Variants in RBPJ observed in about 807,000 individuals in gnomAD.
RBPJ encodes recombination signal binding protein for immunoglobulin kappa J region, also known as recombining binding protein suppressor of hairless.
RBPJ carries 9 observed loss-of-function variants against 67.8 expected under a neutral mutation model. The ratio of observed to expected loss-of-function variants is 0.13; its 90% CI spans 0.08 to 0.23. The LOEUF is 0.23. Among genes scored for constraint, RBPJ ranks in the 10% least tolerant of loss-of-function variants. The pLI is 1.00. For synonymous variants in RBPJ, 198 were observed against 203.3 expected (o/e 0.97, Z 0.22); for missense variants, 305 against 595.6 (o/e 0.51, Z 5.08).
At chr4:26,120,984 G>C in the RBPJ span, among the ~76,000 whole-genome samples, 1 of 151,578 alleles carries the variant, frequency 6.6e-6, no homozygotes, top group African/African-American at 2.4e-5. Flanking sequence ...AGAGGCAGAG[G>C]GAGAGGAAGA....
At chr4:26,126,921 A>C in the RBPJ span, among the ~76,000 whole-genome samples, 1 of 152,238 alleles carries the variant, frequency 6.6e-6, no homozygotes, top group African/African-American at 2.4e-5. Flanking sequence ...TCATGGACTG[A>C]GCTTAAAAGG....
At chr4:26,403,657 T>C (rs1733085780) in intron 2 of RBPJ, among the ~76,000 whole-genome samples, 1 of 152,228 alleles carries the variant, frequency 6.6e-6, no homozygotes, top group Admixed American at 6.5e-5. Context: ...GTTCCTGCGT[T>C]AGTTTGCTAA....
At chr4:26,214,994 GGGAGGGAA>G (rs1560214275) in intron 1 of RBPJ, among the ~76,000 whole-genome samples, 39 of 29,784 alleles carry the variant, frequency 1.3e-3, no homozygotes, top group African/African-American at 6.7e-3. Flanking sequence ...GAGGGAGGGA[GGGAGGGAA>G]GGAAGGAAGG....
At chr4:26,140,206 TA>T in the RBPJ span, among the ~76,000 whole-genome samples, 2 of 152,082 alleles carry the variant, frequency 1.3e-5, no homozygotes, top group Admixed American at 6.5e-5. Flanking sequence ...TGGCATCCCC[TA>T]GGCTGCTGCA....
intron 1 of RBPJ, among the ~76,000 whole-genome samples, chr4:26,356,246 C>G (rs963938301): frequency 1.3e-5 from 2 of 152,196 alleles, no homozygotes; most frequent in Admixed American, 1.3e-4. Context: ...GTACTTTTAG[C>G]TAGGGAGCTT....
At chr4:26,140,752 C>T in the RBPJ span, among the ~76,000 whole-genome samples, 1 of 150,868 alleles carries the variant, frequency 6.6e-6, no homozygotes, top group African/African-American at 2.4e-5. Flanking sequence ...TAGGTCTGGG[C>T]CAAGGACCGC....
chr4:26,384,782 TCCTCTCCCCTCTCCCCCTCCCCTCTCG>T (rs1560311330), intron 1 of RBPJ, among the ~76,000 whole-genome samples: 14 of 139,490 alleles, frequency 1.0e-4, no homozygotes, highest in Non-Finnish European at 1.4e-4. Flanking sequence ...TCCTCCTCTC[TCCTCTCCCCTCTCCCCCTCCCCTCTCG>T]CCTCTCCCCT....
chr4:26,261,479 A>T (rs1351804592), intron 1 of RBPJ, among the ~76,000 whole-genome samples: 1 of 152,196 alleles, frequency 6.6e-6, no homozygotes, highest in Non-Finnish European at 1.5e-5. Flanking sequence ...AGGTAAGAGA[A>T]CTGAGAAAAG....
chr4:26,312,826 A>C (rs144589836), intron 1 of RBPJ, among the ~76,000 whole-genome samples: 2 of 152,382 alleles, frequency 1.3e-5, no homozygotes, highest in African/African-American at 4.8e-5. Context: ...CCTGACCTGC[A>C]GTGGTAGGTA....
chr4:26,319,485 C>A (rs1014378044), upstream of RBPJ, among the ~76,000 whole-genome samples: 20 of 151,480 alleles, frequency 1.3e-4, no homozygotes, highest in African/African-American at 4.3e-4. Flanking sequence ...CGCCCGCGCC[C>A]GCCGCCCGCC....
the RBPJ span, among the ~76,000 whole-genome samples, chr4:26,148,817 G>T: frequency 2.0e-5 from 3 of 152,224 alleles, no homozygotes; most frequent in Non-Finnish European, 2.9e-5. Flanking sequence ...CCACAGGTCT[G>T]TTTCTACAGA....
chr4:26,169,320 G>A (rs1342262851), intron 1 of RBPJ, among the ~76,000 whole-genome samples: 9,276 of 109,766 alleles, frequency 0.085, no homozygotes, highest in East Asian at 0.15. Flanking sequence ...GTCTGTTGGA[G>A]TTTGCTAGAG....
At chr4:26,279,304 CAG>C (rs1243761569) in intron 1 of RBPJ, among the ~76,000 whole-genome samples, 1 of 152,006 alleles carries the variant, frequency 6.6e-6, no homozygotes, top group Non-Finnish European at 1.5e-5. Flanking sequence ...TTTTTGGAGA[CAG>C]AGTCTTGCTC....
chr4:26,319,480 G>GCGCCCGC (rs937893686), upstream of RBPJ, among the ~76,000 whole-genome samples: 94 of 80,250 alleles, frequency 1.2e-3, no homozygotes, highest in South Asian at 4.4e-3. Flanking sequence ...CACCCCGCCC[G>GCGCCCGC]CGCCCGCCGC....
intron 1 of RBPJ, among the ~76,000 whole-genome samples, chr4:26,345,104 T>C (rs1271395973): frequency 1.3e-5 from 2 of 152,218 alleles, no homozygotes; most frequent in African/African-American, 4.8e-5. Flanking sequence ...ACATTAAAAA[T>C]AACCATTTTT....
chr4:26,340,713 G>A (rs1176525594), intron 1 of RBPJ, among the ~76,000 whole-genome samples: 1 of 152,050 alleles, frequency 6.6e-6, no homozygotes, highest in Non-Finnish European at 1.5e-5. Flanking sequence ...TAATAAATTA[G>A]CTGGGCGTGG....
At chr4:26,296,002 G>A (rs76909021) in intron 1 of RBPJ, among the ~76,000 whole-genome samples, 5,524 of 152,242 alleles carry the variant, frequency 0.036, 238 homozygotes, top group Middle Eastern at 0.11. Flanking sequence ...TACTATAAGA[G>A]CACCTGAATT....
intron 1 of RBPJ, among the ~76,000 whole-genome samples, chr4:26,223,940 A>AT (rs1469217712): frequency 1.3e-5 from 2 of 152,170 alleles, no homozygotes; most frequent in African/African-American, 4.8e-5. Flanking sequence ...AAATTACTTG[A>AT]TTTCTCTGTG....
At chr4:26,133,866 C>T in the RBPJ span, among the ~76,000 whole-genome samples, 368 of 152,186 alleles carry the variant, frequency 2.4e-3, 2 homozygotes, top group African/African-American at 8.4e-3. Flanking sequence ...AGATTCTATC[C>T]ACTCCTACTC....
Sources: allele counts gnomAD v4.1 joint callset (sites outside exome capture counted in the v4.1 genomes callset), GRCh38; gene constraint gnomAD v4.1.1; transcripts MANE v1.5; gene names NCBI Gene and HGNC (gene_info 2026-07-23, HGNC 2026-07-21).